The following CEP57L1 variants were observed in gnomAD, a reference collection of about 807,000 sequenced individuals.
CEP57L1 encodes the protein centrosomal protein CEP57L1.
Under a neutral mutation model 61.0 loss-of-function variants are expected in CEP57L1, and 37 were observed. The ratio of observed to expected loss-of-function variants is 0.61; its 90% CI spans 0.47 to 0.80. The LOEUF (loss-of-function observed/expected upper bound fraction) is 0.80. Among genes scored for constraint, CEP57L1 ranks in the 30% least tolerant of loss-of-function variants. The pLI is 0.00. For synonymous variants in CEP57L1, 137 were observed against 162.3 expected (o/e 0.84, Z 1.19); for missense variants, 422 against 524.7 (o/e 0.80, Z 1.91).
intron 1 of CEP57L1, among the ~76,000 whole-genome samples, chr6:109,127,778 G>A (rs1012470017): frequency 1.3e-5 from 2 of 151,172 alleles, no homozygotes; most frequent in East Asian, 1.9e-4. Flanking sequence ...GTGCCACCAC[G>A]CCTGGCTAAT....
chr6:109,158,608 C>A lies in CEP57L1; in HGVS notation c.745-417C>A, dbSNP rs774161898. 3.5e-5 allele frequency: 16 copies of A among 457,560 alleles called. 1 individual carries two copies. Among genetic ancestry groups the A allele is most frequent in the South Asian group, 2.3e-4 (15 of 64,402 alleles). 28.3% of individuals were successfully genotyped at this position (457,560 alleles called of 1,614,324 possible). A position where few individuals can be genotyped will look rare whatever the true frequency, so the allele number is the denominator to read the frequency against. On this transcript the variant is annotated intron_variant, in intron 7 of 10. Transcript: ENST00000517392. ...AGTTTTCATTTTTCTAGGATAAATG[C>A]GTAAGAGAACAATTGTTGGGTCATG...
chr6:109,148,403 A>T (rs891504436), intron 3 of CEP57L1, among the ~76,000 whole-genome samples: 1 of 152,158 alleles, frequency 6.6e-6, no homozygotes, highest in Admixed American at 6.5e-5. Context: ...TTTACTGAGA[A>T]TGATGATTTC....
At chr6:109,156,367 T>A (rs557478107) in intron 7 of CEP57L1, 1 of 152,240 alleles carries the variant, frequency 6.6e-6, no homozygotes, top group East Asian at 1.9e-4. Context: ...ACCTGTTAAG[T>A]CTGTAAAGTC....
intron 1 of CEP57L1, among the ~76,000 whole-genome samples, chr6:109,129,871 A>G (rs886210752): frequency 4.0e-5 from 6 of 151,842 alleles, no homozygotes; most frequent in African/African-American, 1.5e-4. Flanking sequence ...TTTTAATATT[A>G]TTTTAGTGAG....
chr6:109,121,208 A>G (rs1474163360), intron 1 of CEP57L1, among the ~76,000 whole-genome samples: 1 of 152,152 alleles, frequency 6.6e-6, no homozygotes, highest in Non-Finnish European at 1.5e-5. Context: ...AACTCCCCAC[A>G]GTGATCAGTT....
chr6:109,125,507 T>TATAC (rs1554278404), intron 1 of CEP57L1, among the ~76,000 whole-genome samples: 14 of 140,976 alleles, frequency 9.9e-5, no homozygotes, highest in Admixed American at 8.4e-4. Context: ...TATATATATA[T>TATAC]ACATATATAT....
At chr6:109,104,168 T>G (rs1388269978) in intron 1 of CEP57L1, among the ~76,000 whole-genome samples, 1 of 152,128 alleles carries the variant, frequency 6.6e-6, no homozygotes, top group East Asian at 1.9e-4. Flanking sequence ...TAACTTACTT[T>G]CTGTTTTACT....
At position 109,125,430 on chromosome 6, in the gene CEP57L1, A is replaced by T. The variant is rs548490419; in HGVS notation, c.-3-19789A>T. Among the ~76,000 whole-genome samples the T allele has an allele frequency of 2.6e-5, 4 of 151,288 alleles. No individual in the cohort carries two copies. The South Asian group carries it at 8.3e-4, about 32-fold the overall frequency. ...AGTCTGCTCAACCTGTGGAAAAAAA[A>T]ATGTAAAGGCCTAGAAAGTGGATTT... On this transcript the variant is annotated intron_variant, in intron 1 of 10. Coordinates refer to ENST00000517392, the MANE Select transcript of CEP57L1 (RefSeq NM_001271852.3).
intron 3 of CEP57L1, among the ~76,000 whole-genome samples, chr6:109,149,596 A>T (rs1255214949): frequency 6.6e-6 from 1 of 152,030 alleles, no homozygotes; most frequent in Non-Finnish European, 1.5e-5. Flanking sequence ...TGACTTGGCA[A>T]TGCGGGCTCT....
At chr6:109,120,484 A>G (rs1192096095) in intron 1 of CEP57L1, among the ~76,000 whole-genome samples, 1 of 152,072 alleles carries the variant, frequency 6.6e-6, no homozygotes, top group Non-Finnish European at 1.5e-5. Context: ...ATCTTCAGAG[A>G]GGGGAAGGTA....
rs544075041 is a variant in CEP57L1, at chr6:109,135,384, C to G, written c.-3-9835C>G. ...ATATGTAGAAAGCTGAAACTGGATC[C>G]CTTCATTACACCTTATACAAAAATT... On this transcript the variant is annotated intron_variant, in intron 1 of 10. Coordinates refer to ENST00000517392, the MANE Select transcript of CEP57L1 (RefSeq NM_001271852.3). Among the ~76,000 whole-genome samples, 995 of 152,186 alleles carry G rather than the reference C, an allele frequency of 6.5e-3. 15 individuals carry two copies. The highest frequency in any genetic ancestry group is 0.023 in the African/African-American group (946 of 41,498).
At chr6:109,137,720 G>C (rs550767068) in intron 1 of CEP57L1, among the ~76,000 whole-genome samples, 1 of 152,310 alleles carries the variant, frequency 6.6e-6, no homozygotes, top group African/African-American at 2.4e-5. Flanking sequence ...CTCTGTGCCA[G>C]GTACAATTCT....
rs918426922 is a variant in CEP57L1, at chr6:109,095,536, C to G, written c.-43C>G. 24 of 985,722 alleles carry G rather than the reference C, an allele frequency of 2.4e-5. No individual in the cohort carries two copies. Among genetic ancestry groups the G allele is most frequent in the South Asian group, 4.7e-5 (1 of 21,292 alleles). 61.1% of individuals were successfully genotyped at this position (985,722 alleles called of 1,614,324 possible). On this transcript the variant is annotated 5_prime_UTR_variant, in exon 1 of 11. Coordinates refer to ENST00000517392, the MANE Select transcript of CEP57L1 (RefSeq NM_001271852.3). ...TTGCCTGTGGGTGCCCGCGAACCAA[C>G]GGTTAGCGGTGGCAGGGGCTGACTG... is the stretch of plus-strand genomic sequence containing the variant.
At chr6:109,116,183 TGTTAC>T (rs1383747708) in intron 1 of CEP57L1, among the ~76,000 whole-genome samples, 5 of 139,684 alleles carry the variant, frequency 3.6e-5, no homozygotes, top group African/African-American at 1.4e-4. Flanking sequence ...TGTTATGTTA[TGTTAC>T]TTTTTTGAGA....
At chr6:109,134,813 A>G (rs1307953060) in intron 1 of CEP57L1, among the ~76,000 whole-genome samples, 27 of 152,144 alleles carry the variant, frequency 1.8e-4, no homozygotes, top group African/African-American at 6.0e-4. Context: ...CCCATTCACA[A>G]TTGCTTCAAA....
intron 1 of CEP57L1, among the ~76,000 whole-genome samples, chr6:109,110,374 T>G (rs978453354): frequency 6.6e-6 from 1 of 152,246 alleles, no homozygotes; most frequent in Non-Finnish European, 1.5e-5. Flanking sequence ...CTTCACCCAC[T>G]TTTTGACATG....
intron 1 of CEP57L1, among the ~76,000 whole-genome samples, chr6:109,134,609 G>A (rs1774602186): frequency 6.6e-6 from 1 of 152,204 alleles, no homozygotes; most frequent in Admixed American, 6.5e-5. Context: ...TTTAGGAAAA[G>A]AGGAAATCAA....
chr6:109,135,903 A>T (rs974557105), intron 1 of CEP57L1, among the ~76,000 whole-genome samples: 7 of 152,324 alleles, frequency 4.6e-5, no homozygotes, highest in African/African-American at 1.7e-4. Context: ...ATCATTAAAA[A>T]GTCAGGAAAC....
chr6:109,121,547 G>A (rs534751890), intron 1 of CEP57L1, among the ~76,000 whole-genome samples: 2 of 152,220 alleles, frequency 1.3e-5, no homozygotes, highest in Admixed American at 6.5e-5. Flanking sequence ...AGCAAAAGAG[G>A]GAATACCAAA....
Sources: gnomAD v4.1 joint callset for allele counts (sites outside exome capture counted in the v4.1 genomes callset) on GRCh38, gnomAD v4.1.1 for gene constraint, MANE v1.5 for transcripts, NCBI Gene and HGNC (gene_info 2026-07-23, HGNC 2026-07-21) for gene names.